Variants in LRRTM4 observed in about 807,000 individuals in gnomAD.
LRRTM4 encodes leucine-rich repeat transmembrane neuronal protein 4.
In LRRTM4, 25 loss-of-function variants were observed where a neutral mutation model predicts 47.6. That is an observed-to-expected ratio of 0.53 (90% CI 0.38 to 0.73). LRRTM4 has a LOEUF of 0.73. Among genes scored for constraint, LRRTM4 ranks in the 30% least tolerant of loss-of-function variants. The pLI, the probability that LRRTM4 is intolerant of heterozygous loss-of-function variation, is 0.00. For missense variants in LRRTM4, 638 were observed against 713.4 expected, an observed-to-expected ratio of 0.89 and a Z score of 1.20; for synonymous variants, 311 against 269.5, an observed-to-expected ratio of 1.15 and a Z score of -1.51.
At chr2:77,479,946 C>T (rs1558762983) in intron 3 of LRRTM4, among the ~76,000 whole-genome samples, 2 of 152,076 alleles carry the variant, frequency 1.3e-5, no homozygotes, top group East Asian at 1.9e-4. Flanking sequence ...TCAAATAATA[C>T]TTTACATATG....
chr2:77,216,002 A>C (rs1334319825), intron 3 of LRRTM4, among the ~76,000 whole-genome samples: 3 of 152,130 alleles, frequency 2.0e-5, no homozygotes, highest in African/African-American at 7.2e-5. Flanking sequence ...TTGCTGTGCT[A>C]CCTGCAGAAC....
At chr2:76,957,928 A>G (rs565436173) in intron 3 of LRRTM4, among the ~76,000 whole-genome samples, 3 of 151,218 alleles carry the variant, frequency 2.0e-5, no homozygotes, top group East Asian at 1.9e-4. Context: ...GTGTGTATAT[A>G]TATGTGTGTG....
At chr2:77,471,808 T>C (rs1025973383) in intron 3 of LRRTM4, among the ~76,000 whole-genome samples, 1 of 152,142 alleles carries the variant, frequency 6.6e-6, no homozygotes, top group Admixed American at 6.6e-5. Flanking sequence ...TTCATCCTGA[T>C]TTATTTTTCT....
chr2:77,487,195 G>A lies in LRRTM4; in HGVS notation c.1551+31123C>T, dbSNP rs369438851. Among the ~76,000 whole-genome samples, 31 of 152,334 alleles carry A rather than the reference G, an allele frequency of 2.0e-4. No individual in the cohort carries two copies. In the South Asian group the frequency reaches 6.2e-3, roughly 31 times the overall value. On this transcript the variant is annotated intron_variant, in intron 3 of 3. Transcript: ENST00000409884. Reference sequence around the variant, plus strand: ...GGGAGCCCCGCCCCCTTCTGAGTTGGTGGGGCAGAAGCCCTGCACTTCTGG... The same window carrying A: ...GGGAGCCCCGCCCCCTTCTGAGTTGATGGGGCAGAAGCCCTGCACTTCTGG...
chr2:77,243,357 C>G (rs1035646056), intron 3 of LRRTM4, among the ~76,000 whole-genome samples: 4 of 143,356 alleles, frequency 2.8e-5, no homozygotes, highest in Admixed American at 7.5e-5. Flanking sequence ...TTGCGGTGAG[C>G]CGAGATCGTG....
chr2:76,763,526 TC>T (rs1379227262), intron 3 of LRRTM4, among the ~76,000 whole-genome samples: 1 of 152,228 alleles, frequency 6.6e-6, no homozygotes, highest in African/African-American at 2.4e-5. Flanking sequence ...ATCTTGGACT[TC>T]CGGCTTCCAG....
In LRRTM4 at chr2:76,942,676, CTGTGTG is replaced by C. The variant is rs61077287; in HGVS notation, c.1552-193766_1552-193761del. Among the ~76,000 whole-genome samples, 25 of 148,318 alleles carry C rather than the reference CTGTGTG, an allele frequency of 1.7e-4. No individual in the cohort carries two copies. In the South Asian group the frequency reaches 1.7e-3, roughly 10 times the overall value. On this transcript the variant is annotated intron_variant, in intron 3 of 3. Coordinates refer to ENST00000409884, the MANE Select transcript of LRRTM4 (RefSeq NM_001134745.3). ...GGTCAAGTAACCAACCTCTAGGAAT[CTGTGTG>C]TGTGTGTGTGTGTGTGTGTGTGTTT...
intron 3 of LRRTM4, among the ~76,000 whole-genome samples, chr2:77,011,160 A>G (rs573587025): frequency 6.6e-6 from 1 of 152,248 alleles, no homozygotes; most frequent in Non-Finnish European, 1.5e-5. Flanking sequence ...GTAAAAAGAA[A>G]GAGATAAAAA....
chr2:77,456,972 A>G (rs1676569828), intron 3 of LRRTM4, among the ~76,000 whole-genome samples: 1 of 126,156 alleles, frequency 7.9e-6, no homozygotes, highest in Admixed American at 8.3e-5. Flanking sequence ...ATATTATATT[A>G]TAAATGTATA....
At chr2:76,982,750 T>C (rs1321485300) in intron 3 of LRRTM4, among the ~76,000 whole-genome samples, 3 of 151,932 alleles carry the variant, frequency 2.0e-5, no homozygotes, top group African/African-American at 7.2e-5. Flanking sequence ...CCAGGATAAT[T>C]AATAAAAGCC....
At chr2:76,852,028 C>T (rs939887577) in intron 3 of LRRTM4, among the ~76,000 whole-genome samples, 2 of 152,106 alleles carry the variant, frequency 1.3e-5, no homozygotes, top group African/African-American at 4.8e-5. Context: ...AAGGAAGCCT[C>T]ACTTTTTTTC....
intron 3 of LRRTM4, among the ~76,000 whole-genome samples, chr2:77,044,245 A>T (rs962982679): frequency 2.0e-4 from 31 of 151,794 alleles, no homozygotes; most frequent in African/African-American, 6.0e-4. Context: ...TATAAAGTAT[A>T]TACAATTTTA....
intron 3 of LRRTM4, among the ~76,000 whole-genome samples, chr2:76,794,449 T>C (rs990024506): frequency 6.6e-6 from 1 of 152,188 alleles, no homozygotes; most frequent in Non-Finnish European, 1.5e-5. Context: ...TTTGTTATAG[T>C]TGTGAACAAT....
At chr2:76,863,958 G>A (rs190080749) in intron 3 of LRRTM4, among the ~76,000 whole-genome samples, 1 of 152,204 alleles carries the variant, frequency 6.6e-6, no homozygotes, top group East Asian at 1.9e-4. Flanking sequence ...AGATCTATGG[G>A]ACCTAAAAAG....
chr2:76,843,569 A>C (rs951279156), intron 3 of LRRTM4, among the ~76,000 whole-genome samples: 2 of 152,182 alleles, frequency 1.3e-5, no homozygotes, highest in African/African-American at 2.4e-5. Context: ...AATAACAATA[A>C]ATTATTTTTG....
At chr2:77,286,933 TAATA>T (rs1202680080) in intron 3 of LRRTM4, among the ~76,000 whole-genome samples, 1 of 152,116 alleles carries the variant, frequency 6.6e-6, no homozygotes, top group African/African-American at 2.4e-5. Context: ...CAGAATCACA[TAATA>T]AATTATGCTT....
chr2:77,521,985 T>C (rs1679533519), intron 1 of LRRTM4, 124 bp downstream of exon 1: 1 of 662,002 alleles, frequency 1.5e-6, no homozygotes, highest in Non-Finnish European at 2.8e-6. Flanking sequence ...CTGAGGACCA[T>C]TGTGTAATTC....
Position 76,773,170 on chromosome 2 carries a change from G to A in LRRTM4, c.1552-24254C>T, listed in dbSNP as rs1673786634. 2 of 152,184 alleles carry A rather than the reference G, an allele frequency of 1.3e-5. 1 individual carries two copies. The highest frequency in any genetic ancestry group is 4.1e-4 in the South Asian group (2 of 4,826). The allele number at this position is 152,184 out of a possible 1,614,324, so 9.4% of individuals were successfully genotyped here. The stretch of plus-strand genomic sequence containing the variant: ...TTGAAATGTAATCATCAGGAATAAT[G>A]GCGCCTCTATCTTCCAGTCTCTGGG... On this transcript the variant is annotated intron_variant, in intron 3 of 3. Coordinates refer to ENST00000409884, the MANE Select transcript of LRRTM4 (RefSeq NM_001134745.3).
At chr2:76,854,033 T>G (rs1024190638) in intron 3 of LRRTM4, among the ~76,000 whole-genome samples, 3 of 152,186 alleles carry the variant, frequency 2.0e-5, no homozygotes, top group Non-Finnish European at 4.4e-5. Context: ...TATCATGGTC[T>G]CTTCCTTCAG....
Sources: gnomAD v4.1 joint callset for allele counts (sites outside exome capture counted in the v4.1 genomes callset) on GRCh38, gnomAD v4.1.1 for gene constraint, MANE v1.5 for transcripts, NCBI Gene and HGNC (gene_info 2026-07-23, HGNC 2026-07-21) for gene names.